The following TGFBR1 variants were observed in gnomAD, a reference collection of about 807,000 sequenced individuals.
The protein encoded by TGFBR1 is transforming growth factor beta receptor 1.
A neutral mutation model predicts 55.1 loss-of-function variants in TGFBR1; 20 were observed. The ratio of observed to expected loss-of-function variants is 0.36; its 90% CI spans 0.26 to 0.53. The LOEUF is 0.53. Among genes scored for constraint, TGFBR1 ranks in the 20% least tolerant of loss-of-function variants. TGFBR1 has a pLI of 0.91. For synonymous variants in TGFBR1, 220 were observed against 214.8 expected, an observed-to-expected ratio of 1.02 and a Z score of -0.21; for missense variants, 385 against 617.6, an observed-to-expected ratio of 0.62 and a Z score of 3.99.
intron 3 of TGFBR1, among the ~76,000 whole-genome samples, chr9:99,136,136 T>TG (rs556078315): frequency 8.6e-4 from 131 of 152,314 alleles, no homozygotes; most frequent in Non-Finnish European, 1.6e-3. Flanking sequence ...ATTAGAGGTG[T>TG]GAGTCACTGT....
upstream of TGFBR1, chr9:99,105,063 TG>T: frequency 5.9e-6 from 3 of 511,954 alleles, no homozygotes; most frequent in South Asian, 8.6e-5. Flanking sequence ...CGGCAGCCAA[TG>T]GACGCGCGTC....
chr9:99,113,434 A>C (rs1324713227), intron 1 of TGFBR1, among the ~76,000 whole-genome samples: 1 of 152,186 alleles, frequency 6.6e-6, no homozygotes, highest in Non-Finnish European at 1.5e-5. Flanking sequence ...GGATTGATCT[A>C]ACTTAAGTTT....
chr9:99,122,836 G>A (rs1273850737), intron 1 of TGFBR1, among the ~76,000 whole-genome samples: 1 of 152,092 alleles, frequency 6.6e-6, no homozygotes. Flanking sequence ...TAATTACAGT[G>A]ATGGTGAAGT....
At chr9:99,141,398 C>T (rs778427010) in intron 4 of TGFBR1, among the ~76,000 whole-genome samples, 7 of 152,164 alleles carry the variant, frequency 4.6e-5, no homozygotes, top group South Asian at 2.1e-4. Flanking sequence ...TCTTCTTCAA[C>T]CAAATACCTT....
At chr9:99,143,298 A>G (rs369198906) in intron 5 of TGFBR1, among the ~76,000 whole-genome samples, 46 of 152,276 alleles carry the variant, frequency 3.0e-4, no homozygotes, top group African/African-American at 1.0e-3. Context: ...GGTCCAACTG[A>G]ATATATTTTT....
chr9:99,138,820 A>C (rs1250108129), intron 4 of TGFBR1, among the ~76,000 whole-genome samples: 1 of 149,626 alleles, frequency 6.7e-6, no homozygotes, highest in African/African-American at 2.5e-5. Flanking sequence ...TTTTTTTGAG[A>C]TGGAATCTCG....
chr9:99,114,980 T>G (rs1270871237), intron 1 of TGFBR1, among the ~76,000 whole-genome samples: 2 of 152,102 alleles, frequency 1.3e-5, no homozygotes, highest in Non-Finnish European at 2.9e-5. Context: ...ACTGTACTGG[T>G]CTCACAGTAA....
chr9:99,144,679 G>A, intron 5 of TGFBR1, 53 bp from the exon 6 acceptor site: 1 of 1,608,208 alleles, frequency 6.2e-7, no homozygotes, highest in Non-Finnish European at 8.5e-7. Context: ...AAAGATGTGA[G>A]TTGTGATTGG....
chr9:99,136,959 G>A (rs974188906), intron 3 of TGFBR1, among the ~76,000 whole-genome samples: 57 of 152,078 alleles, frequency 3.7e-4, no homozygotes, highest in African/African-American at 6.5e-4. Context: ...GACACTTACC[G>A]GATGGTGGAT....
intron 5 of TGFBR1, among the ~76,000 whole-genome samples, chr9:99,143,229 G>T (rs1014398682): frequency 2.0e-5 from 3 of 151,914 alleles, no homozygotes; most frequent in Non-Finnish European, 4.4e-5. Context: ...GATTTTTTTT[G>T]AGTTCTTAAA....
chr9:99,119,989 C>G (rs1826851578), intron 1 of TGFBR1, among the ~76,000 whole-genome samples: 1 of 152,202 alleles, frequency 6.6e-6, no homozygotes, highest in African/African-American at 2.4e-5. Flanking sequence ...CAAAGAAATA[C>G]TTGTTGAAAA....
At chr9:99,136,118 G>A (rs779548411) in intron 3 of TGFBR1, among the ~76,000 whole-genome samples, 2 of 152,166 alleles carry the variant, frequency 1.3e-5, no homozygotes, top group Non-Finnish European at 2.9e-5. Context: ...GCCTCCTAAA[G>A]TGCTGGGATT....
chr9:99,129,249 T>C (rs778998460), intron 2 of TGFBR1, 149 bp downstream of exon 2: 36 of 953,026 alleles, frequency 3.8e-5, no homozygotes, highest in South Asian at 4.7e-5. Flanking sequence ...TACAGACTTA[T>C]AAGAGTAACC....
intron 1 of TGFBR1, among the ~76,000 whole-genome samples, chr9:99,124,116 A>G (rs1437758424): frequency 2.0e-5 from 3 of 152,080 alleles, no homozygotes; most frequent in Non-Finnish European, 4.4e-5. Flanking sequence ...ACCCTTATCT[A>G]TCTAACAAAT....
rs746666082 is a variant in TGFBR1 at position 99,146,492 on chromosome 9, G to C, written c.1138G>C (p.Ala380Pro). The stretch of plus-strand genomic sequence containing the variant: ...TTTGCAAATTTTTTTTAGGTACATG[G>C]CCCCTGAAGTTCTCGATGATTCCAT... ...NHRVGTKRYM[A>P]PEVLDDSINM... is the part of the protein sequence containing the mutation. Residue 380 changes from alanine to proline, a missense_variant, in exon 7 of 9, where the codon GCC becomes CCC. By Grantham distance (27) the Ala-to-Pro change is conservative (BLOSUM62 -1). Coordinates refer to ENST00000374994, the MANE Select transcript of TGFBR1 (RefSeq NM_004612.4). 2 of 1,613,744 alleles carry C rather than the reference G, an allele frequency of 1.2e-6. No individual in the cohort carries two copies. The highest frequency in any genetic ancestry group is 8.5e-7 in the Non-Finnish European group (1 of 1,179,826).
chr9:99,105,891 GC>G (rs897157699), intron 1 of TGFBR1, among the ~76,000 whole-genome samples: 1 of 152,228 alleles, frequency 6.6e-6, no homozygotes, highest in Non-Finnish European at 1.5e-5. Flanking sequence ...TCCGCAGGCC[GC>G]CCTGACTCCC....
At chr9:99,112,293 C>T (rs529210687) in intron 1 of TGFBR1, among the ~76,000 whole-genome samples, 1 of 152,196 alleles carries the variant, frequency 6.6e-6, no homozygotes, top group East Asian at 1.9e-4. Context: ...TGGCTGTTCC[C>T]TTGCTTGTGT....
Position 99,151,694 on chromosome 9 carries a change from T to G in TGFBR1, c.*2389T>G. ...TCAGGGAATTTTTTTAAAGTTGGAG[T>G]TTAGTTCTAAATTGACTTTACGTAT... On this transcript the variant is annotated 3_prime_UTR_variant, in exon 9 of 9. Coordinates refer to ENST00000374994, the MANE Select transcript of TGFBR1 (RefSeq NM_004612.4). The G allele has an allele frequency of 4.4e-6, 1 of 225,494 alleles. No individual in the cohort carries two copies. Among genetic ancestry groups the G allele is most frequent in the African/African-American group, 2.2e-5 (1 of 45,002 alleles). The allele number at this position is 225,494 out of a possible 1,614,324, so 14.0% of individuals were successfully genotyped here.
chr9:99,122,228 G>GA (rs1410109276), intron 1 of TGFBR1, among the ~76,000 whole-genome samples: 1 of 152,118 alleles, frequency 6.6e-6, no homozygotes, highest in African/African-American at 2.4e-5. Flanking sequence ...AAGACTACGG[G>GA]TAGGTTGTGT....
Sources: gnomAD v4.1 joint callset for allele counts (sites outside exome capture counted in the v4.1 genomes callset) on GRCh38, gnomAD v4.1.1 for gene constraint, MANE v1.5 for transcripts, NCBI Gene and HGNC (gene_info 2026-07-23, HGNC 2026-07-21) for gene names.